LRRC1: variants seen among roughly 807,000 people sequenced by gnomAD.
LRRC1 encodes the protein leucine-rich repeat-containing protein 1.
In LRRC1, 28 loss-of-function variants were observed where a neutral mutation model predicts 69.9. The ratio of observed to expected loss-of-function variants is 0.40; its 90% CI spans 0.30 to 0.55. The LOEUF is 0.55. LRRC1 is among the 20% of genes least tolerant of loss of function. LRRC1 has a pLI of 0.47. For synonymous variants in LRRC1, 236 were observed against 240.2 expected, an observed-to-expected ratio of 0.98 and a Z score of 0.16; for missense variants, 498 against 609.0, an observed-to-expected ratio of 0.82 and a Z score of 1.92.
chr6:53,864,746 G>C (rs1043517173), intron 2 of LRRC1, among the ~76,000 whole-genome samples: 3 of 152,062 alleles, frequency 2.0e-5, no homozygotes, highest in African/African-American at 7.3e-5. Context: ...GTCAAAGAGG[G>C]CTTGGAGGGA....
chr6:53,876,849 T>C (rs1019772348), intron 2 of LRRC1, among the ~76,000 whole-genome samples: 11 of 152,176 alleles, frequency 7.2e-5, no homozygotes, highest in African/African-American at 2.7e-4. Flanking sequence ...TCTGGTGGCT[T>C]TTCCAGGTGC....
At chr6:53,888,843 A>G (rs1239847227) in intron 4 of LRRC1, among the ~76,000 whole-genome samples, 1 of 152,198 alleles carries the variant, frequency 6.6e-6, no homozygotes, top group Non-Finnish European at 1.5e-5. Context: ...GTAACAAAAG[A>G]AAAAATGGAT....
chr6:53,820,877 G>A (rs1765095358), intron 1 of LRRC1, among the ~76,000 whole-genome samples: 1 of 152,104 alleles, frequency 6.6e-6, no homozygotes, highest in African/African-American at 2.4e-5. Flanking sequence ...AAAAAGAACA[G>A]GGCCACACAC....
chr6:53,900,003 C>T, intron 8 of LRRC1, 112 bp downstream of exon 8: 6 of 620,554 alleles, frequency 9.7e-6, no homozygotes, highest in South Asian at 5.4e-5. Flanking sequence ...GATGTGGCTC[C>T]TTAAAGTCTC....
chr6:53,876,466 A>G (rs1177875934), intron 2 of LRRC1, among the ~76,000 whole-genome samples: 1 of 152,168 alleles, frequency 6.6e-6, no homozygotes, highest in Non-Finnish European at 1.5e-5. Context: ...AACTCATTTC[A>G]GCATTAACTC....
chr6:53,796,966 G>A (rs1245567090), intron 1 of LRRC1, among the ~76,000 whole-genome samples: 1 of 152,128 alleles, frequency 6.6e-6, no homozygotes, highest in Non-Finnish European at 1.5e-5. Context: ...GGGGCTTCAG[G>A]ATGACATTAT....
rs559656726 is a variant in LRRC1, at chr6:53,824,336, GT to G, written c.160-17765del. On this transcript the variant is annotated intron_variant, in intron 1 of 13. Coordinates refer to ENST00000370888, the MANE Select transcript of LRRC1 (RefSeq NM_018214.5). ...TGCCCTTTGCCCACTTTTTAATGGT[GT>G]TTTTTTTTGTTTGTTGATTTGTTTA... 2.3e-4 allele frequency among the ~76,000 whole-genome samples: 35 copies of G among 150,166 alleles called. 1 individual carries two copies. The highest frequency in any genetic ancestry group is 3.4e-3 in the Middle Eastern group (1 of 292).
chr6:53,826,880 T>C (rs9463982), intron 1 of LRRC1, among the ~76,000 whole-genome samples: 68,800 of 151,300 alleles, frequency 0.45, 15,871 homozygotes, highest in Middle Eastern at 0.54. Flanking sequence ...CTTTCCTTGG[T>C]GACTATAATG....
chr6:53,875,495 A>T (rs1388922648), intron 2 of LRRC1, among the ~76,000 whole-genome samples: 1 of 152,130 alleles, frequency 6.6e-6, no homozygotes, highest in Non-Finnish European at 1.5e-5. Flanking sequence ...GTAAAAAAAA[A>T]AATCACAATA....
intron 7 of LRRC1, 69 bp from the exon 8 acceptor site, chr6:53,899,677 CA>C: frequency 6.8e-7 from 1 of 1,462,718 alleles, no homozygotes; most frequent in Non-Finnish European, 9.3e-7. Context: ...TGTGAAAAAT[CA>C]CTGGAACAAA....
At chr6:53,869,432 C>T (rs1766810117) in intron 2 of LRRC1, among the ~76,000 whole-genome samples, 1 of 152,038 alleles carries the variant, frequency 6.6e-6, no homozygotes, top group Admixed American at 6.5e-5. Flanking sequence ...CCCAGCAGAA[C>T]ATTTGGGAAT....
In LRRC1 at chr6:53,823,566, C is replaced by T. The variant is rs551236725; in HGVS notation, c.160-18544C>T. On this transcript the variant is annotated intron_variant, in intron 1 of 13. Coordinates refer to ENST00000370888, the MANE Select transcript of LRRC1 (RefSeq NM_018214.5). ...TTGTTATACAAGTAAACTCGTGTCACGGGGGTTTGTTGTACAGATTATTTT... is the reference window on the plus strand; with the variant it reads ...TTGTTATACAAGTAAACTCGTGTCATGGGGGTTTGTTGTACAGATTATTTT... 1.4e-4 allele frequency among the ~76,000 whole-genome samples: 21 copies of T among 152,176 alleles called. No individual in the cohort carries two copies. In the South Asian group the frequency reaches 2.7e-3, roughly 20 times the overall value.
At chr6:53,913,334 T>A (rs1378977396) in intron 10 of LRRC1, among the ~76,000 whole-genome samples, 1 of 151,838 alleles carries the variant, frequency 6.6e-6, no homozygotes, top group African/African-American at 2.4e-5. Flanking sequence ...TACTGTATCA[T>A]CTGTAAGATA....
chr6:53,906,186 A>G (rs544182185), intron 10 of LRRC1, among the ~76,000 whole-genome samples: 1 of 152,338 alleles, frequency 6.6e-6, no homozygotes, highest in South Asian at 2.1e-4. Flanking sequence ...AACGGAGGCC[A>G]GTAAGTAGTT....
intron 1 of LRRC1, among the ~76,000 whole-genome samples, chr6:53,828,707 T>C (rs1293380944): frequency 6.6e-6 from 1 of 152,254 alleles, no homozygotes; most frequent in African/African-American, 2.4e-5. Flanking sequence ...ATTGCTGGAC[T>C]TGTTAATCAG....
intron 1 of LRRC1, among the ~76,000 whole-genome samples, chr6:53,838,957 TGTCA>T (rs1765687683): frequency 6.6e-6 from 1 of 152,204 alleles, no homozygotes; most frequent in South Asian, 2.1e-4. Flanking sequence ...GTTCTCTTCC[TGTCA>T]GTCCACATGC....
intron 3 of LRRC1, among the ~76,000 whole-genome samples, chr6:53,881,383 C>G (rs1356358421): frequency 6.6e-6 from 1 of 152,104 alleles, no homozygotes; most frequent in Admixed American, 6.5e-5. Flanking sequence ...TAAAATAACA[C>G]CTATTTAAAT....
intron 1 of LRRC1, among the ~76,000 whole-genome samples, chr6:53,829,224 G>A (rs567074194): frequency 6.6e-6 from 1 of 152,140 alleles, no homozygotes; most frequent in Non-Finnish European, 1.5e-5. Flanking sequence ...CTGGACCCAG[G>A]CAGGTAATCT....
intron 2 of LRRC1, among the ~76,000 whole-genome samples, chr6:53,872,156 T>C (rs941448718): frequency 6.6e-6 from 1 of 152,214 alleles, no homozygotes; most frequent in Non-Finnish European, 1.5e-5. Context: ...CGTTTCATTC[T>C]TCTGCATGTG....
Sources: allele counts gnomAD v4.1 joint callset (sites outside exome capture counted in the v4.1 genomes callset), GRCh38; gene constraint gnomAD v4.1.1; transcripts MANE v1.5; gene names NCBI Gene and HGNC (gene_info 2026-07-23, HGNC 2026-07-21).